The following PLXDC2 variants were observed in gnomAD, a reference collection of about 807,000 sequenced individuals.
The protein encoded by PLXDC2 is plexin domain containing 2, also known as plexin domain-containing protein 2.
In PLXDC2, 40 loss-of-function variants were observed where a neutral mutation model predicts 68.9. The observed-to-expected ratio is 0.58, with a 90% confidence interval of 0.45 to 0.76. The LOEUF is 0.76. Among genes scored for constraint, PLXDC2 ranks in the 30% least tolerant of loss-of-function variants. The pLI is 0.00. For missense variants in PLXDC2, 644 were observed against 661.9 expected (o/e 0.97, Z 0.30); for synonymous variants, 243 against 234.2 (o/e 1.04, Z -0.34).
At chr10:19,998,698 G>A (rs1564652036) in intron 1 of PLXDC2, among the ~76,000 whole-genome samples, 1 of 152,124 alleles carries the variant, frequency 6.6e-6, no homozygotes, top group Non-Finnish European at 1.5e-5. Flanking sequence ...GTTTGAGGTA[G>A]CAAATTCCAG....
intron 1 of PLXDC2, among the ~76,000 whole-genome samples, chr10:19,888,487 G>A (rs1837888716): frequency 6.6e-6 from 1 of 152,120 alleles, no homozygotes; most frequent in Admixed American, 6.5e-5. Flanking sequence ...AAGAGAGGTT[G>A]AGAGAGGGGT....
chr10:20,196,155 C>G (rs1337031882), intron 9 of PLXDC2, among the ~76,000 whole-genome samples: 4 of 152,038 alleles, frequency 2.6e-5, no homozygotes, highest in Non-Finnish European at 5.9e-5. Flanking sequence ...CTCCTCCTTT[C>G]CTGGAAAACT....
At chr10:20,213,183 G>A (rs577036737) in intron 10 of PLXDC2, among the ~76,000 whole-genome samples, 1 of 151,934 alleles carries the variant, frequency 6.6e-6, no homozygotes, top group East Asian at 1.9e-4. Flanking sequence ...ATATTTTAAA[G>A]CTTTGTCTTA....
chr10:20,133,811 C>T (rs1338192480), intron 4 of PLXDC2, among the ~76,000 whole-genome samples: 8 of 152,130 alleles, frequency 5.3e-5, no homozygotes, highest in African/African-American at 1.9e-4. Flanking sequence ...TTCTCTTTCT[C>T]TGCTTCTTCT....
intron 4 of PLXDC2, among the ~76,000 whole-genome samples, chr10:20,102,856 G>C (rs898743422): frequency 1.3e-5 from 2 of 152,168 alleles, no homozygotes; most frequent in Admixed American, 6.5e-5. Flanking sequence ...CCACGGGATA[G>C]GACAAGAACA....
At chr10:20,242,404 A>G (rs557552929) in intron 12 of PLXDC2, among the ~76,000 whole-genome samples, 1 of 152,286 alleles carries the variant, frequency 6.6e-6, no homozygotes, top group South Asian at 2.1e-4. Context: ...TAAGAACTTT[A>G]TATGTATTAA....
intron 13 of PLXDC2, among the ~76,000 whole-genome samples, chr10:20,247,988 A>G (rs1321437866): frequency 6.6e-6 from 1 of 152,278 alleles, no homozygotes; most frequent in Non-Finnish European, 1.5e-5. Context: ...AACCTTCTCA[A>G]AGTTACAAAT....
chr10:20,036,321 C>G (rs1197465387), intron 2 of PLXDC2, among the ~76,000 whole-genome samples: 1 of 152,156 alleles, frequency 6.6e-6, no homozygotes, highest in African/African-American at 2.4e-5. Context: ...AGGGAACTCT[C>G]TGTCCATCTT....
intron 12 of PLXDC2, among the ~76,000 whole-genome samples, chr10:20,219,589 C>T (rs1288424009): frequency 1.3e-5 from 2 of 152,042 alleles, no homozygotes; most frequent in Non-Finnish European, 2.9e-5. Context: ...TGGTAACATA[C>T]TTAAAGGTTT....
chr10:19,968,878 G>A (rs753215558), intron 1 of PLXDC2, among the ~76,000 whole-genome samples: 7 of 152,194 alleles, frequency 4.6e-5, no homozygotes, highest in East Asian at 1.9e-4. Context: ...TTTCATCAGG[G>A]TAAGGCCTCC....
At chr10:19,975,559 C>G (rs533555886) in intron 1 of PLXDC2, among the ~76,000 whole-genome samples, 1 of 152,232 alleles carries the variant, frequency 6.6e-6, no homozygotes, top group South Asian at 2.1e-4. Context: ...CACCATCCCC[C>G]CAACTTTCCG....
chr10:20,154,489 G>A (rs776490721), intron 6 of PLXDC2, among the ~76,000 whole-genome samples: 4 of 151,748 alleles, frequency 2.6e-5, no homozygotes, highest in African/African-American at 9.7e-5. Context: ...TCTTGAACCC[G>A]GGAGGCAGAA....
intron 2 of PLXDC2, among the ~76,000 whole-genome samples, chr10:20,035,311 T>C (rs920076281): frequency 6.6e-6 from 1 of 152,172 alleles, no homozygotes; most frequent in Non-Finnish European, 1.5e-5. Context: ...TTTAAAGACA[T>C]GGAGAAGTTA....
In PLXDC2 at chr10:20,195,818, T is replaced by C. The variant is rs80171904; in HGVS notation, c.1062-15851T>C. On this transcript the variant is annotated intron_variant, in intron 9 of 13. Transcript: ENST00000377252. ...TCATGGTTGATGTTCCCGAGGAAGATAGACAACCTTAAAACACCAGAAGCC... is the reference window on the plus strand; with the variant it reads ...TCATGGTTGATGTTCCCGAGGAAGACAGACAACCTTAAAACACCAGAAGCC... 6.6e-5 allele frequency among the ~76,000 whole-genome samples: 10 copies of C among 152,210 alleles called. No homozygotes were observed. The East Asian group carries it at 1.5e-3, about 24-fold the overall frequency.
chr10:19,899,315 A>G (rs1589526247), intron 1 of PLXDC2, among the ~76,000 whole-genome samples: 1 of 152,324 alleles, frequency 6.6e-6, no homozygotes, highest in East Asian at 1.9e-4. Context: ...AATAAGAATA[A>G]GTTATCATAA....
At chr10:20,084,830 A>T (rs1033219574) in intron 4 of PLXDC2, among the ~76,000 whole-genome samples, 1 of 151,708 alleles carries the variant, frequency 6.6e-6, no homozygotes, top group African/African-American at 2.4e-5. Flanking sequence ...GTGTACAATG[A>T]AGGCTTTCAG....
chr10:20,203,483 C>CT (rs996917097), intron 9 of PLXDC2, among the ~76,000 whole-genome samples: 37 of 151,196 alleles, frequency 2.4e-4, no homozygotes, highest in Non-Finnish European at 4.4e-4. Flanking sequence ...TTTTCTTTTT[C>CT]TTTTTTTTGT....
At chr10:20,140,514 C>A (rs189085441) in intron 4 of PLXDC2, among the ~76,000 whole-genome samples, 3 of 151,880 alleles carry the variant, frequency 2.0e-5, no homozygotes, top group Admixed American at 2.0e-4. Flanking sequence ...GTGTTGGTAT[C>A]TGTGAGTACC....
chr10:20,098,357 A>ATGTGTGTGTGTG (rs35209594), intron 4 of PLXDC2, among the ~76,000 whole-genome samples: 2,473 of 145,466 alleles, frequency 0.017, 35 homozygotes, highest in Middle Eastern at 0.038. Flanking sequence ...GTGTGTGTGT[A>ATGTGTGTGTGTG]TGTGTGTGTG....
Sources: allele counts gnomAD v4.1 joint callset (sites outside exome capture counted in the v4.1 genomes callset), GRCh38; gene constraint gnomAD v4.1.1; transcripts MANE v1.5; gene names NCBI Gene and HGNC (gene_info 2026-07-23, HGNC 2026-07-21).